The following EHMT1 variants were observed in gnomAD, a reference collection of about 807,000 sequenced individuals.
EHMT1 encodes the protein euchromatic histone lysine methyltransferase 1.
A neutral mutation model predicts 147.2 loss-of-function variants in EHMT1; 15 were observed. The ratio of observed to expected loss-of-function variants is 0.10; its 90% CI spans 0.07 to 0.16. The LOEUF (loss-of-function observed/expected upper bound fraction) is 0.16. EHMT1 is among the 10% of genes least tolerant of loss of function. EHMT1 has a pLI of 1.00. For synonymous variants in EHMT1, 795 were observed against 709.6 expected, an observed-to-expected ratio of 1.12 and a Z score of -1.91; for missense variants, 1,587 against 1,772.4, an observed-to-expected ratio of 0.90 and a Z score of 1.88.
At chr9:137,663,133 C>T (rs1564553461) in intron 1 of EHMT1, among the ~76,000 whole-genome samples, 1 of 152,150 alleles carries the variant, frequency 6.6e-6, no homozygotes, top group Non-Finnish European at 1.5e-5. Context: ...GTATAGATAT[C>T]CACTCATTTT....
chr9:137,698,071 G>A (rs367742309), intron 1 of EHMT1, among the ~76,000 whole-genome samples: 4 of 151,968 alleles, frequency 2.6e-5, no homozygotes, highest in African/African-American at 9.7e-5. Context: ...GGCGTGGCTC[G>A]CGGAGGCCTC....
intron 4 of EHMT1, among the ~76,000 whole-genome samples, chr9:137,738,316 TCAC>T (rs1947738227): frequency 6.6e-6 from 1 of 151,854 alleles, no homozygotes; most frequent in Admixed American, 6.6e-5. Context: ...ATGCTCAACG[TCAC>T]TAATCATAAG....
chr9:137,700,295 G>A (rs1003021481), intron 1 of EHMT1, among the ~76,000 whole-genome samples: 2 of 152,228 alleles, frequency 1.3e-5, no homozygotes, highest in African/African-American at 4.8e-5. Context: ...TTGTGTACTT[G>A]GCCTCCACGT....
In EHMT1 at chr9:137,743,418, C is replaced by A. The variant is rs137852714; in HGVS notation, c.871C>A (p.Arg291=). 5.6e-6 allele frequency: 9 copies of A among 1,609,464 alleles called. No homozygotes were observed. The Admixed American group carries it at 1.3e-4, about 24-fold the overall frequency. The part of the protein sequence containing the change: ...LAAAVSRKKK[R]RMGTYSLVPK... ...AGCTGCAGTATCTCGGAAGAAAAAA[C>A]GAAGAATGGGAACCTATAGCCTGGT... Residue 291 remains arginine (R), a synonymous_variant, in exon 5 of 27, where the codon CGA becomes AGA. Transcript: ENST00000460843.
At chr9:137,687,492 T>G (rs966142801) in intron 1 of EHMT1, among the ~76,000 whole-genome samples, 4 of 152,020 alleles carry the variant, frequency 2.6e-5, no homozygotes, top group South Asian at 2.1e-4. Flanking sequence ...TGGAGGAGTT[T>G]AGGTAGAGTT....
intron 1 of EHMT1, among the ~76,000 whole-genome samples, chr9:137,655,250 C>T (rs1323953210): frequency 6.6e-6 from 1 of 152,136 alleles, no homozygotes; most frequent in East Asian, 1.9e-4. Flanking sequence ...CTCCTGACCT[C>T]AGGTGGTCTG....
At chr9:137,816,535 A>G (rs1954932898) in intron 23 of EHMT1, 1 of 218,314 alleles carries the variant, frequency 4.6e-6, no homozygotes, top group Non-Finnish European at 9.4e-6. Flanking sequence ...TCATGGAGTA[A>G]GGCTTGCCCA....
intron 3 of EHMT1, among the ~76,000 whole-genome samples, chr9:137,722,236 T>C (rs1223207511): frequency 6.6e-6 from 1 of 152,240 alleles, no homozygotes; most frequent in African/African-American, 2.4e-5. Flanking sequence ...GTCATCCTAT[T>C]ACATTCCTTT....
rs1227572471 is a variant in EHMT1 at position 137,776,268 on chromosome 9, G to T, written c.1792-350G>T. On this transcript the variant is annotated intron_variant, in intron 11 of 26. Transcript: ENST00000460843. This position sits in a 1 kb window ranked among gnomAD's most constrained non-coding sequence, Gnocchi z 4.4. ...CCTGCCTGATGCTGTGCCCTGAGGTGCTGTCGTCTGTCCCTGTCCCTATCC... is the reference window on the plus strand; with the variant it reads ...CCTGCCTGATGCTGTGCCCTGAGGTTCTGTCGTCTGTCCCTGTCCCTATCC... Among the ~76,000 whole-genome samples the T allele has an allele frequency of 6.6e-6, 1 of 152,086 alleles. No homozygotes were observed. Among genetic ancestry groups the T allele is most frequent in the African/African-American group, 2.4e-5 (1 of 41,448 alleles).
intron 19 of EHMT1, among the ~76,000 whole-genome samples, chr9:137,812,423 T>C (rs1390189298): frequency 6.6e-6 from 1 of 152,212 alleles, no homozygotes; most frequent in Admixed American, 6.5e-5. Flanking sequence ...TGGCCTGGGA[T>C]GGAGTGTGTG....
At chr9:137,801,076 G>A (rs1465150475) in intron 18 of EHMT1, 92 bp downstream of exon 18, 2 of 1,148,938 alleles carry the variant, frequency 1.7e-6, no homozygotes, top group African/African-American at 3.1e-5. Flanking sequence ...CAGAACCCTG[G>A]CACCTGGTGG....
rs947459099 is a variant in EHMT1, at chr9:137,834,800, C to T, written c.3744C>T (p.Asp1248=). The T allele has an allele frequency of 3.7e-6, 6 of 1,612,986 alleles. No individual in the cohort carries two copies. In the African/African-American group the frequency reaches 5.3e-5, roughly 14 times the overall value. The change falls in exon 27 of 27, where the codon GAC becomes GAT. Residue 1248 remains aspartate (D), a synonymous_variant. Transcript: ENST00000460843. ...TTGACTATGGAGAGCGCTTCTGGGA[C>T]ATCAAAGGCAAGCTCTTCAGCTGCC... ...LGFDYGERFW[D]IKGKLFSCRC...
chr9:137,828,405 G>A lies in EHMT1; in HGVS notation c.3541-5944G>A, dbSNP rs1443948272. Among the ~76,000 whole-genome samples the A allele has an allele frequency of 6.6e-6, 1 of 151,880 alleles. No homozygotes were observed. Among genetic ancestry groups the A allele is most frequent in the Non-Finnish European group, 1.5e-5 (1 of 67,968 alleles). ...CAGGGAGTCTGGGCTGGGTCATCAG[G>A]CATGACCATTGCCAAGGCCACATCC... On this transcript the variant is annotated intron_variant, in intron 25 of 26. Transcript: ENST00000460843. This position sits in a 1 kb window ranked among gnomAD's most constrained non-coding sequence, Gnocchi z 5.3.
chr9:137,721,905 T>G (rs989166457), intron 3 of EHMT1, among the ~76,000 whole-genome samples: 4 of 152,196 alleles, frequency 2.6e-5, no homozygotes, highest in Non-Finnish European at 5.9e-5. Context: ...GGTTTATCAG[T>G]TTTCTCCTGT....
intron 24 of EHMT1, 185 bp from the exon 25 acceptor site, chr9:137,817,875 C>T: frequency 3.0e-6 from 2 of 661,738 alleles, no homozygotes; most frequent in Non-Finnish European, 5.3e-6. Context: ...GTATCGTTAT[C>T]ATCATCCTCC....
At chr9:137,780,504 G>A (rs1951341027) in intron 14 of EHMT1, among the ~76,000 whole-genome samples, 1 of 131,816 alleles carries the variant, frequency 7.6e-6, no homozygotes, top group Non-Finnish European at 1.6e-5. Flanking sequence ...ACGCTGAGAC[G>A]TGTGGTGATG....
At chr9:137,671,520 C>CTTTTTTTTT (rs71493689) in intron 1 of EHMT1, among the ~76,000 whole-genome samples, 18 of 105,270 alleles carry the variant, frequency 1.7e-4, no homozygotes, top group South Asian at 3.4e-4. Flanking sequence ...CCTTTTCTTT[C>CTTTTTTTTT]TTTTTTTTTT....
Position 137,817,240 on chromosome 9 carries a change from C to T in EHMT1, c.3375-199C>T, listed in dbSNP as rs575126681. ...TGCCGAGGTTGTGGGCTGGGGTGCT[C>T]CTGGCTGATCCCCGGGTTCTTGGCT... On this transcript the variant is annotated intron_variant, in intron 23 of 26. Coordinates refer to ENST00000460843, the MANE Select transcript of EHMT1 (RefSeq NM_024757.5). 75 of 657,604 alleles carry T rather than the reference C, an allele frequency of 1.1e-4. 5 individuals carry two copies. In the South Asian group the frequency reaches 1.3e-3, roughly 11 times the overall value. 40.7% of individuals were successfully genotyped at this position (657,604 alleles called of 1,614,324 possible).
intron 25 of EHMT1, among the ~76,000 whole-genome samples, chr9:137,831,953 C>G (rs1336275631): frequency 6.7e-6 from 1 of 149,098 alleles, no homozygotes; most frequent in Non-Finnish European, 1.5e-5. Context: ...TACGTGGCTG[C>G]TGCACTTCGC....
Sources: allele counts gnomAD v4.1 joint callset (sites outside exome capture counted in the v4.1 genomes callset), GRCh38; gene constraint gnomAD v4.1.1; non-coding constraint Gnocchi (gnomAD v3.1); transcripts MANE v1.5; gene names NCBI Gene and HGNC (gene_info 2026-07-23, HGNC 2026-07-21).